PPFIA4: variants seen among roughly 807,000 people sequenced by gnomAD.
PPFIA4 encodes the protein PPFI scaffold protein A4.
A neutral mutation model predicts 145.7 loss-of-function variants in PPFIA4; 98 were observed. That is an observed-to-expected ratio of 0.67 (90% CI 0.57 to 0.80). PPFIA4 has a LOEUF of 0.80. Ranked by LOEUF, PPFIA4 falls within the 30% of genes least tolerant of loss-of-function variation. The pLI, the probability that PPFIA4 is intolerant of heterozygous loss-of-function variation, is 0.00. For missense variants in PPFIA4, 1,457 were observed against 1,632.7 expected, an observed-to-expected ratio of 0.89 and a Z score of 1.85; for synonymous variants, 628 against 649.6, an observed-to-expected ratio of 0.97 and a Z score of 0.51.
In PPFIA4 at chr1:203,063,823, C is replaced by T; in HGVS notation, c.2875-5C>T. 1.9e-6 allele frequency: 3 copies of T among 1,613,884 alleles called. No individual in the cohort carries two copies. The highest frequency in any genetic ancestry group is 2.5e-6 in the Non-Finnish European group (3 of 1,179,868). ...ATAATAGCCTCCTGCATCTCATTTC[C>T]CTAGACCCTGGCCTATGGGGACATG... On this transcript the variant is annotated splice_polypyrimidine_tract_variant and splice_region_variant and intron_variant, in intron 24 of 29. Coordinates refer to ENST00000295706, the MANE Select transcript of PPFIA4 (RefSeq NM_001304331.2).
chr1:203,066,828 G>A (rs1459734448), intron 25 of PPFIA4, among the ~76,000 whole-genome samples: 2 of 152,146 alleles, frequency 1.3e-5, no homozygotes, highest in African/African-American at 4.8e-5. Context: ...TGTGCTAGGG[G>A]TTTAGGATCA....
At position 203,077,364 on chromosome 1, in the gene PPFIA4, C is replaced by T. The variant is rs1396454300; in HGVS notation, c.*974C>T. The T allele has an allele frequency of 6.6e-6, 1 of 152,334 alleles. No individual in the cohort carries two copies. The highest frequency in any genetic ancestry group is 1.5e-5 in the Non-Finnish European group (1 of 68,126). 9.4% of individuals were successfully genotyped at this position (152,334 alleles called of 1,614,324 possible). ...CAGCATCCCTTCCCCTTCTCTCCTC[C>T]TCTGCCTCACTTCTTTAGTAATCCC... On this transcript the variant is annotated 3_prime_UTR_variant, in exon 30 of 30. Coordinates refer to ENST00000295706, the MANE Select transcript of PPFIA4 (RefSeq NM_001304331.2).
In PPFIA4 at chr1:203,048,754, C is replaced by A; in HGVS notation, c.1356+40C>A. ...GGGGTTGGGATGCGAGAGGTTAGTGCTGGGTGTGGGGCGGGGGGAGGCGGG... is the reference window on the plus strand; with the variant it reads ...GGGGTTGGGATGCGAGAGGTTAGTGATGGGTGTGGGGCGGGGGGAGGCGGG... On this transcript the variant is annotated intron_variant, in intron 11 of 29. Coordinates refer to ENST00000295706, the MANE Select transcript of PPFIA4 (RefSeq NM_001304331.2). This position sits in a 1 kb window ranked among gnomAD's most constrained non-coding sequence, Gnocchi z 5.8. 8.6e-7 allele frequency: 1 copy of A among 1,163,968 alleles called. No homozygotes were observed. Among genetic ancestry groups the A allele is most frequent in the Non-Finnish European group, 1.2e-6 (1 of 864,284 alleles). The allele number at this position is 1,163,968 out of a possible 1,614,324, so 72.1% of individuals were successfully genotyped here.
In PPFIA4 at chr1:203,075,663, CG is replaced by C; in HGVS notation, c.3481del (p.Ala1161LeufsTer67). Reference sequence around the variant, plus strand: ...ACCACGGTCGCGGCGGCATGCTCAGCGCTTCCGCGGAGACCCTCCCGGCGGG... The same window carrying C: ...ACCACGGTCGCGGCGGCATGCTCAGCCTTCCGCGGAGACCCTCCCGGCGGG... The part of the protein sequence containing the change: ...EHHGRGGMLS[A>X]SAETLPAGFR... On this transcript the variant is annotated frameshift_variant, in exon 29 of 30. Transcript: ENST00000295706. LOFTEE classifies it high-confidence loss of function. The surrounding 1 kb of genome is among the most constrained non-coding windows in gnomAD (Gnocchi z 4.1). 1 of 1,507,326 alleles carries C rather than the reference CG, an allele frequency of 6.6e-7. No individual in the cohort carries two copies. The highest frequency in any genetic ancestry group is 8.9e-7 in the Non-Finnish European group (1 of 1,126,544). 93.4% of individuals were successfully genotyped at this position (1,507,326 alleles called of 1,614,324 possible).
chr1:203,059,921 G>T (rs1661242976), intron 21 of PPFIA4, 70 bp downstream of exon 21: 4 of 1,296,302 alleles, frequency 3.1e-6, no homozygotes, highest in Non-Finnish European at 3.3e-6. Context: ...CAGAGGGGTG[G>T]TGTCCTAGAA....
intron 26 of PPFIA4, 88 bp downstream of exon 26, chr1:203,067,880 T>A (rs1395338829): frequency 9.1e-7 from 1 of 1,095,294 alleles, no homozygotes; most frequent in Non-Finnish European, 1.4e-6. Context: ...GCATTCTGTG[T>A]CTCAGGGAAT....
chr1:203,045,792 G>T, intron 7 of PPFIA4, 49 bp from the exon 8 acceptor site: 2 of 1,611,886 alleles, frequency 1.2e-6, no homozygotes, highest in Non-Finnish European at 1.7e-6. Context: ...AGACAGGATG[G>T]GGGCAAGGAA....
At position 203,026,536 on chromosome 1, in the gene PPFIA4, G is replaced by C. The variant is rs891130421; in HGVS notation, c.-493G>C. The C allele has an allele frequency of 2.6e-5, 4 of 152,260 alleles. No individual in the cohort carries two copies. Among genetic ancestry groups the C allele is most frequent in the East Asian group, 1.9e-4 (1 of 5,186 alleles). The allele number at this position is 152,260 out of a possible 1,614,324, so 9.4% of individuals were successfully genotyped here. On this transcript the variant is annotated 5_prime_UTR_variant, in exon 1 of 30. Coordinates refer to ENST00000295706, the MANE Select transcript of PPFIA4 (RefSeq NM_001304331.2). Reference sequence around the variant, plus strand: ...CGGAGGCTGCAGCTACCTCGGCGCCGGCTCGGCTCTAGGACGTGTCGGGCT... The same window carrying C: ...CGGAGGCTGCAGCTACCTCGGCGCCCGCTCGGCTCTAGGACGTGTCGGGCT...
At chr1:203,050,358 A>G (rs930416136) in intron 13 of PPFIA4, among the ~76,000 whole-genome samples, 1 of 152,112 alleles carries the variant, frequency 6.6e-6, no homozygotes, top group African/African-American at 2.4e-5. Flanking sequence ...TTTCCCCCAC[A>G]TTTTGTGGAG....
rs552942849 is a variant in PPFIA4 at position 203,065,548 on chromosome 1, T to C, written c.3050+1545T>C. Among the ~76,000 whole-genome samples the C allele has an allele frequency of 2.1e-4, 32 of 152,208 alleles. No individual in the cohort carries two copies. In the South Asian group the frequency reaches 3.5e-3, roughly 17 times the overall value. ...CCTCTGCCCCATCCCCAGGAGAGAA[T>C]TGTGACCTGAACATGGGGTTCTAGG... On this transcript the variant is annotated intron_variant, in intron 25 of 29. Coordinates refer to ENST00000295706, the MANE Select transcript of PPFIA4 (RefSeq NM_001304331.2).
In PPFIA4 at chr1:203,054,198, A is replaced by G. The variant is rs531709218; in HGVS notation, c.1829+237A>G. The G allele has an allele frequency of 1.3e-5, 9 of 683,880 alleles. No homozygotes were observed. In the East Asian group the frequency reaches 2.4e-4, roughly 18 times the overall value. 42.4% of individuals were successfully genotyped at this position (683,880 alleles called of 1,614,324 possible). ...CAGGGCTTGCGATGTGGCTGGGCTCAGGAGGATGCATGCTGTGTTCCTGCA... is the reference window on the plus strand; with the variant it reads ...CAGGGCTTGCGATGTGGCTGGGCTCGGGAGGATGCATGCTGTGTTCCTGCA... On this transcript the variant is annotated intron_variant, in intron 15 of 29. Coordinates refer to ENST00000295706, the MANE Select transcript of PPFIA4 (RefSeq NM_001304331.2).
At position 203,062,353 on chromosome 1, in the gene PPFIA4, G is replaced by A. The variant is rs189978174; in HGVS notation, c.2874+675G>A. 1.5e-3 allele frequency among the ~76,000 whole-genome samples: 233 copies of A among 151,362 alleles called. 2 individuals carry two copies. In the Middle Eastern group the frequency reaches 0.024, roughly 15 times the overall value. ...AAAATAGCCAGGCATGGTGGCGGGC[G>A]CCTGTAGTCCCAGCTACTCGTGAGG... On this transcript the variant is annotated intron_variant, in intron 24 of 29. Transcript: ENST00000295706.
chr1:203,042,903 T>C (rs762758403), intron 2 of PPFIA4, among the ~76,000 whole-genome samples: 52 of 152,138 alleles, frequency 3.4e-4, no homozygotes, highest in Non-Finnish European at 7.5e-4. Context: ...CCTCCCAAAG[T>C]GTTGGGATTA....
At chr1:203,046,135 C>T (rs1291439473) in intron 8 of PPFIA4, 113 bp from the exon 9 acceptor site, 2 of 1,528,998 alleles carry the variant, frequency 1.3e-6, no homozygotes, top group African/African-American at 1.4e-5. Context: ...AGCCAACAAC[C>T]AAGATTGTCC....
In PPFIA4 at chr1:203,048,132, C is replaced by A; in HGVS notation, c.1141-95C>A. On this transcript the variant is annotated intron_variant, in intron 9 of 29. Coordinates refer to ENST00000295706, the MANE Select transcript of PPFIA4 (RefSeq NM_001304331.2). This position sits in a 1 kb window ranked among gnomAD's most constrained non-coding sequence, Gnocchi z 5.8. ...GTCACTGGTACTGGGGGCCATGATCCCCAGGGCCACCCTGGCACCAGGGTG... is the reference window on the plus strand; with the variant it reads ...GTCACTGGTACTGGGGGCCATGATCACCAGGGCCACCCTGGCACCAGGGTG... 8.4e-7 allele frequency: 1 copy of A among 1,194,874 alleles called. No homozygotes were observed. 74.0% of individuals were successfully genotyped at this position (1,194,874 alleles called of 1,614,324 possible).
At position 203,043,542 on chromosome 1, in the gene PPFIA4, G is replaced by T; in HGVS notation, c.336+44G>T. The T allele has an allele frequency of 6.6e-7, 1 of 1,516,670 alleles. No homozygotes were observed. The highest frequency in any genetic ancestry group is 9.0e-7 in the Non-Finnish European group (1 of 1,111,282). 94.0% of individuals were successfully genotyped at this position (1,516,670 alleles called of 1,614,324 possible). A position where few individuals can be genotyped will look rare whatever the true frequency, so the allele number is the denominator to read the frequency against. On this transcript the variant is annotated intron_variant, in intron 3 of 29. Coordinates refer to ENST00000295706, the MANE Select transcript of PPFIA4 (RefSeq NM_001304331.2). The surrounding 1 kb of genome is among the most constrained non-coding windows in gnomAD (Gnocchi z 4.4). ...GTGTCGCGCGCGCGCACGTGTGTGTGTGTGTGTATGGGGGTGTGTTGTGAA... is the reference window on the plus strand; with the variant it reads ...GTGTCGCGCGCGCGCACGTGTGTGTTTGTGTGTATGGGGGTGTGTTGTGAA...
In PPFIA4 at chr1:203,060,945, A is replaced by G; in HGVS notation, c.2785-25A>G. 1 of 1,613,172 alleles carries G rather than the reference A, an allele frequency of 6.2e-7. No individual in the cohort carries two copies. ...ATCCTGGGGACCCACACCCAGGACC[A>G]GCTAGGTTTCCTCTCTGCCTGCAGT... On this transcript the variant is annotated intron_variant, in intron 22 of 29. Transcript: ENST00000295706. This position sits in a 1 kb window ranked among gnomAD's most constrained non-coding sequence, Gnocchi z 4.8.
chr1:203,051,535 A>G, intron 13 of PPFIA4: 1 of 801,012 alleles, frequency 1.2e-6, no homozygotes, highest in South Asian at 3.5e-5. Flanking sequence ...TGCCAGACGG[A>G]AAACCGCTCT....
intron 15 of PPFIA4, chr1:203,054,183 G>A (rs1439778749): frequency 1.1e-5 from 8 of 698,466 alleles, no homozygotes; most frequent in Admixed American, 2.0e-5. Context: ...CAGGGCTTGC[G>A]ATGTGGCTGG....
Sources: allele counts gnomAD v4.1 joint callset (sites outside exome capture counted in the v4.1 genomes callset), GRCh38; gene constraint gnomAD v4.1.1; non-coding constraint Gnocchi (gnomAD v3.1); transcripts MANE v1.5; gene names NCBI Gene and HGNC (gene_info 2026-07-23, HGNC 2026-07-21).